Variants in OXNAD1 observed in about 807,000 individuals in gnomAD.
OXNAD1 encodes the protein oxidoreductase NAD binding domain containing 1, also known as oxidoreductase NAD-binding domain-containing protein 1.
A neutral mutation model predicts 32.9 loss-of-function variants in OXNAD1; 34 were observed. That is an observed-to-expected ratio of 1.03 (90% CI 0.79 to 1.38). OXNAD1 has a LOEUF of 1.38. Among genes scored for constraint, OXNAD1 ranks in the 40% most tolerant of loss-of-function variants. The pLI is 0.00. For missense variants in OXNAD1, 407 were observed against 379.4 expected (o/e 1.07, Z -0.60); for synonymous variants, 134 against 135.2 (o/e 0.99, Z 0.06).
At chr3:16,281,092 A>G (rs1336111409) in intron 4 of OXNAD1, among the ~76,000 whole-genome samples, 1 of 152,256 alleles carries the variant, frequency 6.6e-6, no homozygotes, top group Non-Finnish European at 1.5e-5. Flanking sequence ...TACAGGTCCT[A>G]ATTATATGAA....
Position 16,298,881 on chromosome 3 carries a change from T to C in OXNAD1, c.433-2745T>C, listed in dbSNP as rs1051786103. Among the ~76,000 whole-genome samples, 3 of 152,224 alleles carry C rather than the reference T, an allele frequency of 2.0e-5. No homozygotes were observed. Among genetic ancestry groups the C allele is most frequent in the Non-Finnish European group, 2.9e-5 (2 of 68,034 alleles). ...CCTTTTATTCACTTACATATTACAG[T>C]GTACAGTACTTTGAGTCTTGTGTTC... is the stretch of plus-strand genomic sequence containing the variant. On this transcript the variant is annotated intron_variant, in intron 6 of 8. Coordinates refer to ENST00000285083, the MANE Select transcript of OXNAD1 (RefSeq NM_138381.5). This position sits in a 1 kb window ranked among gnomAD's most constrained non-coding sequence, Gnocchi z 5.1.
In OXNAD1 at chr3:16,345,843, CAT is replaced by C. The variant is rs1185765404; in HGVS notation, c.*31-3332_*31-3331del. 1.3e-5 allele frequency among the ~76,000 whole-genome samples: 1 copy of C among 77,574 alleles called. No individual in the cohort carries two copies. Among genetic ancestry groups the C allele is most frequent in the East Asian group, 2.8e-4 (1 of 3,628 alleles). The allele number at this position is 77,574 out of a possible 152,430, so 50.9% of individuals were successfully genotyped here. ...GCGCGCGCGCGTGCGCGCACGCGCA[CAT>C]GTGCATGTGTATGTGTATAATCTCC... is the stretch of plus-strand genomic sequence containing the variant. On this transcript the variant is annotated intron_variant, in intron 9 of 9. Coordinates refer to the OXNAD1 transcript ENST00000606098. This position sits in a 1 kb window ranked among gnomAD's most constrained non-coding sequence, Gnocchi z 5.2.
At chr3:16,319,659 A>G (rs2125173385) in intron 9 of OXNAD1, among the ~76,000 whole-genome samples, 2 of 152,360 alleles carry the variant, frequency 1.3e-5, no homozygotes, top group Admixed American at 1.3e-4. Flanking sequence ...GCCTGGCCAC[A>G]TCCAGTTTCC....
chr3:16,294,746 T>G (rs2125067381), intron 5 of OXNAD1, 110 bp from the exon 6 acceptor site: 2 of 1,080,610 alleles, frequency 1.9e-6, no homozygotes, highest in African/African-American at 1.6e-5. Context: ...CTTTTATTCT[T>G]GATTTTAGTA....
downstream of OXNAD1, among the ~76,000 whole-genome samples, chr3:16,337,632 C>G (rs1022928803): frequency 6.6e-5 from 10 of 151,522 alleles, no homozygotes; most frequent in African/African-American, 9.7e-5. The surrounding 1 kb of genome is among the most constrained non-coding windows in gnomAD (Gnocchi z 5.0). Flanking sequence ...GTCCCAGCTA[C>G]TCGGGAGGCT....
chr3:16,288,411 G>T lies in OXNAD1; in HGVS notation c.290+1963G>T, dbSNP rs2066212500. Among the ~76,000 whole-genome samples, 1 of 152,166 alleles carries T rather than the reference G, an allele frequency of 6.6e-6. No individual in the cohort carries two copies. Among genetic ancestry groups the T allele is most frequent in the South Asian group, 2.1e-4 (1 of 4,836 alleles). ...TTCCACATCTCTGAATTTTTGACCA[G>T]TGGCTTCCTCTGACACCTACCAAAC... On this transcript the variant is annotated intron_variant, in intron 5 of 8. Coordinates refer to ENST00000285083, the MANE Select transcript of OXNAD1 (RefSeq NM_138381.5). This position sits in a 1 kb window ranked among gnomAD's most constrained non-coding sequence, Gnocchi z 5.1.
chr3:16,272,390 A>G (rs914208330), intron 4 of OXNAD1: 5 of 225,664 alleles, frequency 2.2e-5, no homozygotes, highest in Non-Finnish European at 3.6e-5. Flanking sequence ...AATGTTTATC[A>G]CTTACTCAGA....
rs2067430155 is a variant in OXNAD1, at chr3:16,304,798, G to A, written c.*1236G>A. Reference sequence around the variant, plus strand: ...TTCTGGAGCGGATGAGAGAAGACAGGTTACCCTTTCTTATCTTTGTTGTTG... The same window carrying A: ...TTCTGGAGCGGATGAGAGAAGACAGATTACCCTTTCTTATCTTTGTTGTTG... On this transcript the variant is annotated 3_prime_UTR_variant, in exon 9 of 9. Coordinates refer to ENST00000285083, the MANE Select transcript of OXNAD1 (RefSeq NM_138381.5). The surrounding 1 kb of genome is among the most constrained non-coding windows in gnomAD (Gnocchi z 4.6). The A allele has an allele frequency of 6.6e-6, 1 of 152,206 alleles. No homozygotes were observed. Among genetic ancestry groups the A allele is most frequent in the South Asian group, 2.1e-4 (1 of 4,830 alleles). 9.4% of individuals were successfully genotyped at this position (152,206 alleles called of 1,614,324 possible). A position where few individuals can be genotyped will look rare whatever the true frequency, so the allele number is the denominator to read the frequency against.
chr3:16,328,106 C>T (rs911666174), intron 9 of OXNAD1, among the ~76,000 whole-genome samples: 6 of 152,248 alleles, frequency 3.9e-5, no homozygotes, highest in African/African-American at 1.4e-4. Flanking sequence ...CTGGAGTTCA[C>T]AGGCTAGCAG....
rs901254377 is a variant in OXNAD1 at position 16,290,323 on chromosome 3, G to A, written c.290+3875G>A. On this transcript the variant is annotated intron_variant, in intron 5 of 8. Transcript: ENST00000285083. The surrounding 1 kb of genome is among the most constrained non-coding windows in gnomAD (Gnocchi z 4.2). ...ACAGATGTTTTATGAAATATGTATTGTGCATATTTTCTTAAATCCATTCAG... is the reference window on the plus strand; with the variant it reads ...ACAGATGTTTTATGAAATATGTATTATGCATATTTTCTTAAATCCATTCAG... Among the ~76,000 whole-genome samples the A allele has an allele frequency of 6.6e-6, 1 of 152,184 alleles. No homozygotes were observed. The highest frequency in any genetic ancestry group is 1.5e-5 in the Non-Finnish European group (1 of 68,028).
chr3:16,292,192 CTTTT>C (rs34684511), intron 5 of OXNAD1, among the ~76,000 whole-genome samples: 1 of 134,524 alleles, frequency 7.4e-6, no homozygotes, highest in Non-Finnish European at 1.6e-5. Flanking sequence ...GTCTTCTTAA[CTTTT>C]TTTTTTTTTT....
Position 16,303,425 on chromosome 3 carries a change from A to G in OXNAD1, c.802A>G (p.Lys268Glu), listed in dbSNP as rs750160471. ...TTTGGTAGAAGGAAGAATAACGGAGAAGGAGATAAGAGATCATATTTCAAA... is the reference window on the plus strand; with the variant it reads ...TTTGGTAGAAGGAAGAATAACGGAGGAGGAGATAAGAGATCATATTTCAAA... ...PYITEGRITEKEIRDHISKET... is the reference protein window; with the variant it reads ...PYITEGRITEEEIRDHISKET... The change falls in exon 9 of 9, where the codon AAG becomes GAG. Residue 268 changes from lysine to glutamate, a missense_variant. By Grantham distance (56) the Lys-to-Glu change is moderately conservative. Coordinates refer to ENST00000285083, the MANE Select transcript of OXNAD1 (RefSeq NM_138381.5). The surrounding 1 kb of genome is among the most constrained non-coding windows in gnomAD (Gnocchi z 4.8). 6.2e-7 allele frequency: 1 copy of G among 1,613,772 alleles called. No homozygotes were observed. The highest frequency in any genetic ancestry group is 1.7e-5 in the Admixed American group (1 of 59,972).
Position 16,303,696 on chromosome 3 carries a change from C to A in OXNAD1, c.*134C>A. On this transcript the variant is annotated 3_prime_UTR_variant, in exon 9 of 9. Transcript: ENST00000285083. This position sits in a 1 kb window ranked among gnomAD's most constrained non-coding sequence, Gnocchi z 4.8. Reference sequence around the variant, plus strand: ...TTAAGGCTATAAACTTAGTGACCAGCTGGATAATAAAAGCCAGCTGGCAGA... The same window carrying A: ...TTAAGGCTATAAACTTAGTGACCAGATGGATAATAAAAGCCAGCTGGCAGA... The A allele has an allele frequency of 9.9e-7, 1 of 1,012,790 alleles. No individual in the cohort carries two copies. The highest frequency in any genetic ancestry group is 1.4e-6 in the Non-Finnish European group (1 of 739,336). 62.7% of individuals were successfully genotyped at this position (1,012,790 alleles called of 1,614,324 possible).
rs2068420119 is a variant in OXNAD1 at position 16,316,592 on chromosome 3, T to C, written c.*30+13000T>C. The C allele has an allele frequency of 3.4e-6, 2 of 588,500 alleles. No homozygotes were observed. Among genetic ancestry groups the C allele is most frequent in the South Asian group, 1.9e-5 (1 of 52,210 alleles). 36.5% of individuals were successfully genotyped at this position (588,500 alleles called of 1,614,324 possible). Reference sequence around the variant, plus strand: ...TTCAGCCATGAGGGCTAGAATAACCTGACCTCTTGCATTCTAACACTGGGT... The same window carrying C: ...TTCAGCCATGAGGGCTAGAATAACCCGACCTCTTGCATTCTAACACTGGGT... On this transcript the variant is annotated intron_variant, in intron 9 of 9. Coordinates refer to the OXNAD1 transcript ENST00000435829. The surrounding 1 kb of genome is among the most constrained non-coding windows in gnomAD (Gnocchi z 4.5).
At chr3:16,295,081 A>G (rs777374885) in intron 6 of OXNAD1, 84 bp downstream of exon 6, 3 of 1,446,680 alleles carry the variant, frequency 2.1e-6, no homozygotes, top group East Asian at 2.4e-5. Context: ...TGATTCACCT[A>G]AGAAACCTGG....
At position 16,317,723 on chromosome 3, in the gene OXNAD1, AC is replaced by A. The variant is rs1253361306; in HGVS notation, c.*30+14133del. Among the ~76,000 whole-genome samples the A allele has an allele frequency of 6.6e-6, 1 of 152,010 alleles. No individual in the cohort carries two copies. Among genetic ancestry groups the A allele is most frequent in the Non-Finnish European group, 1.5e-5 (1 of 68,024 alleles). On this transcript the variant is annotated intron_variant, in intron 9 of 9. Transcript: ENST00000435829. This position sits in a 1 kb window ranked among gnomAD's most constrained non-coding sequence, Gnocchi z 4.3. ...GAACATGGGGCAGACACTGTGCTGT[AC>A]CGCTCAGATCCCCCCACAGGACTGG...
At chr3:16,315,153 G>A (rs947138314) in intron 9 of OXNAD1, among the ~76,000 whole-genome samples, 1 of 152,112 alleles carries the variant, frequency 6.6e-6, no homozygotes, top group Non-Finnish European at 1.5e-5. Flanking sequence ...GTCTTGCTCT[G>A]TGCCCAGACT....
chr3:16,326,045 C>T (rs2069656389), intron 9 of OXNAD1, among the ~76,000 whole-genome samples: 3 of 152,232 alleles, frequency 2.0e-5, no homozygotes, highest in African/African-American at 7.2e-5. Context: ...GTGACCAAGC[C>T]TCCCCTAGCC....
At chr3:16,307,499 T>C (rs2067644718), downstream of OXNAD1, among the ~76,000 whole-genome samples, 1 of 152,146 alleles carries the variant, frequency 6.6e-6, no homozygotes, top group African/African-American at 2.4e-5. Context: ...GATCATTGAG[T>C]GGCTATTGAT....
Sources: gnomAD v4.1 joint callset for allele counts (sites outside exome capture counted in the v4.1 genomes callset) on GRCh38, gnomAD v4.1.1 for gene constraint, Gnocchi (gnomAD v3.1) non-coding constraint, MANE v1.5 for transcripts, NCBI Gene and HGNC (gene_info 2026-07-23, HGNC 2026-07-21) for gene names.